CNTN1: variants seen among roughly 807,000 people sequenced by gnomAD.
The protein encoded by CNTN1 is contactin-1.
CNTN1 carries 38 observed loss-of-function variants against 126.4 expected under a neutral mutation model. That is an observed-to-expected ratio of 0.30 (90% CI 0.23 to 0.39). The LOEUF is 0.39. Among genes scored for constraint, CNTN1 ranks in the 10% least tolerant of loss-of-function variants. The probability of loss-of-function intolerance (pLI) is 1.00; values close to 1 mark genes in which losing one functional copy is unlikely to be tolerated. For missense variants in CNTN1, 1,009 were observed against 1,248.4 expected (o/e 0.81, Z 2.89); for synonymous variants, 413 against 422.6 (o/e 0.98, Z 0.28).
At chr12:40,809,681 T>A (rs1940978367) in intron 1 of CNTN1, among the ~76,000 whole-genome samples, 1 of 152,026 alleles carries the variant, frequency 6.6e-6, no homozygotes, top group Non-Finnish European at 1.5e-5. Context: ...CCAGGTGTGG[T>A]GGTGCACGCC....
intron 1 of CNTN1, among the ~76,000 whole-genome samples, chr12:40,789,174 G>T (rs1449708256): frequency 6.6e-6 from 1 of 152,092 alleles, no homozygotes; most frequent in Non-Finnish European, 1.5e-5. Context: ...TTCTTTGTGT[G>T]ACTTTCTGCT....
chr12:40,995,679 AAC>A (rs1381635860), intron 17 of CNTN1, among the ~76,000 whole-genome samples: 2 of 152,198 alleles, frequency 1.3e-5, no homozygotes, highest in Non-Finnish European at 1.5e-5. Flanking sequence ...GCCAAAAGCA[AAC>A]ACACCTATTC....
intron 1 of CNTN1, among the ~76,000 whole-genome samples, chr12:40,762,053 T>A (rs1938884362): frequency 6.6e-6 from 1 of 152,210 alleles, no homozygotes. Flanking sequence ...CCAGACTGTA[T>A]ACACTTGTTC....
chr12:40,712,060 T>C (rs1241805623), intron 1 of CNTN1, among the ~76,000 whole-genome samples: 2 of 152,130 alleles, frequency 1.3e-5, no homozygotes, highest in Non-Finnish European at 2.9e-5. Flanking sequence ...ACTTCACGGT[T>C]CTTTGCCTTG....
At chr12:40,871,672 G>T (rs1943499683) in intron 1 of CNTN1, among the ~76,000 whole-genome samples, 1 of 152,098 alleles carries the variant, frequency 6.6e-6, no homozygotes, top group African/African-American at 2.4e-5. Context: ...AAATGTTAAG[G>T]TTATATTTTG....
intron 1 of CNTN1, among the ~76,000 whole-genome samples, chr12:40,838,130 A>G (rs1592142733): frequency 6.6e-6 from 1 of 152,216 alleles, no homozygotes; most frequent in Non-Finnish European, 1.5e-5. Context: ...TCTGCAAGAC[A>G]GAGCACGTAG....
intron 1 of CNTN1, among the ~76,000 whole-genome samples, chr12:40,725,306 C>G (rs2121234921): frequency 6.9e-6 from 1 of 144,942 alleles, no homozygotes; most frequent in South Asian, 2.1e-4. Context: ...GAGGCTGAGG[C>G]AGGAGAATCA....
At chr12:40,971,522 A>G (rs1212114410) in intron 15 of CNTN1, 2 of 1,589,820 alleles carry the variant, frequency 1.3e-6, no homozygotes, top group Non-Finnish European at 1.7e-6. Flanking sequence ...GATCGTTGAC[A>G]CTCACCATTT....
At position 41,006,597 on chromosome 12, in the gene CNTN1, C is replaced by T. The variant is rs148567732; in HGVS notation, c.2114-7631C>T. Among the ~76,000 whole-genome samples, 483 of 152,338 alleles carry T rather than the reference C, an allele frequency of 3.2e-3. 9 individuals are homozygous for T. Among genetic ancestry groups the T allele is most frequent in the South Asian group, 0.031 (151 of 4,834 alleles). ...ATACTTCACCAAAGAATTTACATAG[C>T]TAATATCAGAAGTTTTCATGTAGGT... is the stretch of plus-strand genomic sequence containing the variant. On this transcript the variant is annotated intron_variant, in intron 17 of 23. Transcript: ENST00000551295.
intron 4 of CNTN1, among the ~76,000 whole-genome samples, chr12:40,920,515 G>A (rs531481647): frequency 6.6e-6 from 1 of 152,120 alleles, no homozygotes; most frequent in South Asian, 2.1e-4. Flanking sequence ...AAAAGTGGGG[G>A]GAAAGAACAG....
At chr12:40,721,145 T>A (rs1397635453) in intron 1 of CNTN1, among the ~76,000 whole-genome samples, 1 of 152,152 alleles carries the variant, frequency 6.6e-6, no homozygotes, top group African/African-American at 2.4e-5. Context: ...GGCATCACAC[T>A]TATCTAGACA....
chr12:40,804,224 C>T (rs1940760076), intron 1 of CNTN1, among the ~76,000 whole-genome samples: 1 of 151,792 alleles, frequency 6.6e-6, no homozygotes, highest in African/African-American at 2.4e-5. Context: ...CCATCTATTC[C>T]TTTGAATATA....
chr12:40,777,126 C>T (rs952059345), intron 1 of CNTN1, among the ~76,000 whole-genome samples: 2 of 151,610 alleles, frequency 1.3e-5, no homozygotes, highest in Non-Finnish European at 3.0e-5. Context: ...TCTCACTAAA[C>T]CTTAAAGCGA....
intron 1 of CNTN1, among the ~76,000 whole-genome samples, chr12:40,854,007 A>G (rs1264398327): frequency 1.3e-5 from 2 of 148,754 alleles, no homozygotes; most frequent in African/African-American, 5.0e-5. Context: ...TTTTTTCAAC[A>G]CTTCTTTTAC....
At chr12:41,050,794 A>C (rs1358447069) in intron 23 of CNTN1, among the ~76,000 whole-genome samples, 13 of 151,904 alleles carry the variant, frequency 8.6e-5, no homozygotes, top group Non-Finnish European at 8.8e-5. Context: ...GAAAGACAAC[A>C]CTCTATATCA....
At chr12:40,776,664 A>C (rs1387043757) in intron 1 of CNTN1, among the ~76,000 whole-genome samples, 5 of 151,742 alleles carry the variant, frequency 3.3e-5, no homozygotes, top group African/African-American at 1.2e-4. Flanking sequence ...TAGACTTAAG[A>C]AAGGAATAGT....
intron 1 of CNTN1, among the ~76,000 whole-genome samples, chr12:40,895,083 C>T (rs7303815): frequency 0.19 from 29,624 of 152,004 alleles, 5,031 homozygotes; most frequent in African/African-American, 0.47. Flanking sequence ...TTATAGTAAG[C>T]TTAAGTTTTA....
At chr12:40,861,208 C>A (rs1268341661) in intron 1 of CNTN1, among the ~76,000 whole-genome samples, 1 of 152,038 alleles carries the variant, frequency 6.6e-6, no homozygotes, top group Non-Finnish European at 1.5e-5. Flanking sequence ...GTTGGCTTGT[C>A]CATGTTAAGT....
intron 23 of CNTN1, among the ~76,000 whole-genome samples, chr12:41,067,789 G>A (rs552015767): frequency 6.6e-6 from 1 of 151,640 alleles, no homozygotes; most frequent in South Asian, 2.1e-4. Context: ...GCTTCAGGAT[G>A]GATCATTTAC....
Sources: gnomAD v4.1 joint callset for allele counts (sites outside exome capture counted in the v4.1 genomes callset) on GRCh38, gnomAD v4.1.1 for gene constraint, MANE v1.5 for transcripts, NCBI Gene and HGNC (gene_info 2026-07-23, HGNC 2026-07-21) for gene names.